The following TNS4 variants were observed in gnomAD, a reference collection of about 807,000 sequenced individuals.
TNS4 encodes tensin-4.
Under a neutral mutation model 70.4 loss-of-function variants are expected in TNS4, and 46 were observed. The observed-to-expected ratio is 0.65, with a 90% CI of 0.52 to 0.84. TNS4 has a LOEUF of 0.84. TNS4 is among the 40% of genes least tolerant of loss of function. The pLI, the probability that TNS4 is intolerant of heterozygous loss-of-function variation, is 0.00. For synonymous variants in TNS4, 390 were observed against 366.6 expected, an observed-to-expected ratio of 1.06 and a Z score of -0.73; for missense variants, 863 against 907.0, an observed-to-expected ratio of 0.95 and a Z score of 0.62.
intron 1 of TNS4, among the ~76,000 whole-genome samples, chr17:40,498,133 C>A (rs548978050): frequency 6.6e-6 from 1 of 152,292 alleles, no homozygotes; most frequent in East Asian, 1.9e-4. Context: ...TCTTTCTTCT[C>A]GTTGCCAAAA....
At position 40,477,639 on chromosome 17, in the gene TNS4, C is replaced by A; in HGVS notation, c.2097G>T (p.Ser699=). The A allele has an allele frequency of 5.6e-6, 9 of 1,614,138 alleles. No homozygotes were observed. The highest frequency in any genetic ancestry group is 1.3e-5 in the African/African-American group (1 of 75,050). Residue 699 remains serine, a synonymous_variant, in exon 13 of 13, where the codon TCG becomes TCT. Transcript: ENST00000254051. ...GAGCAGTCACCAGGCCGATGACCTG[C>A]GAGGCTGGCTGGACCATGTCATACT... ...FAEYDMVQPA[S]QVIGLVTALL...
intron 9 of TNS4, among the ~76,000 whole-genome samples, chr17:40,480,223 A>T (rs1266787255): frequency 6.6e-6 from 1 of 152,184 alleles, no homozygotes; most frequent in East Asian, 1.9e-4. Context: ...AGAATGGGGA[A>T]GGAAATTGTT....
At chr17:40,486,819 A>G (rs891318630) in intron 4 of TNS4, among the ~76,000 whole-genome samples, 2 of 152,128 alleles carry the variant, frequency 1.3e-5, no homozygotes, top group African/African-American at 2.4e-5. Flanking sequence ...TATGATTGAG[A>G]ATATCTCTTT....
intron 4 of TNS4, 29 bp from the exon 5 acceptor site, chr17:40,485,036 G>T (rs1168907729): frequency 6.2e-7 from 1 of 1,602,008 alleles, no homozygotes; most frequent in Non-Finnish European, 8.6e-7. Context: ...GGGGGACCCT[G>T]TAGGCTGGAC....
At position 40,476,397 on chromosome 17, in the gene TNS4, TGTGTG is replaced by T; in HGVS notation, c.*1186_*1190del. On this transcript the variant is annotated 3_prime_UTR_variant, in exon 13 of 13. Transcript: ENST00000254051. ...GTGTGTGTGTGTGTGTGTGTGTGTGTGTGTGTGTGTGTGTGTGTGTGTGTGTGTGT... is the reference window on the plus strand; with the variant it reads ...GTGTGTGTGTGTGTGTGTGTGTGTGTTGTGTGTGTGTGTGTGTGTGTGTGT... The T allele has an allele frequency of 6.7e-6, 1 of 150,100 alleles. No homozygotes were observed. Among genetic ancestry groups the T allele is most frequent in the South Asian group, 2.1e-4 (1 of 4,656 alleles). 9.3% of individuals were successfully genotyped at this position (150,100 alleles called of 1,614,324 possible). A position where few individuals can be genotyped will look rare whatever the true frequency, so the allele number is the denominator to read the frequency against.
Position 40,496,064 on chromosome 17 carries a change from G to T in TNS4, c.362C>A (p.Pro121Gln). The T allele has an allele frequency of 1.2e-6, 2 of 1,613,248 alleles. No individual in the cohort carries two copies. The highest frequency in any genetic ancestry group is 1.1e-5 in the South Asian group (1 of 90,948). ...CTCAGCCTGGGAGCCCCCAGTCCCT[G>T]GGGGAAGCAGCTGGAAGGTGGGGTC... ...ELDPTFQLLP[P>Q]GTGGSQAELA... The change falls in exon 2 of 13, where the codon CCA (proline) becomes CAA (glutamine). Residue 121 changes from proline (P) to glutamine (Q), a missense_variant. Physicochemically the swap from Pro to Gln is moderately conservative, Grantham distance 76. Coordinates refer to ENST00000254051, the MANE Select transcript of TNS4 (RefSeq NM_032865.6).
At chr17:40,481,995 T>C in intron 8 of TNS4, 134 bp downstream of exon 8, 1 of 984,048 alleles carries the variant, frequency 1.0e-6, no homozygotes, top group Non-Finnish European at 1.5e-6. Context: ...GTGGAGATGT[T>C]GAGCGACTCC....
At chr17:40,500,811 C>G (rs1454458446) in intron 1 of TNS4, among the ~76,000 whole-genome samples, 1 of 145,852 alleles carries the variant, frequency 6.9e-6, no homozygotes, top group Non-Finnish European at 1.5e-5. Context: ...CCCACCCAGA[C>G]CCGGTGACGC....
chr17:40,478,490 C>T, intron 11 of TNS4, 90 bp downstream of exon 11: 1 of 1,575,846 alleles, frequency 6.3e-7, no homozygotes, highest in Non-Finnish European at 8.7e-7. Context: ...CAGGCTCCCT[C>T]TGGGATCCCA....
At chr17:40,491,751 G>T (rs561225175) in intron 2 of TNS4, among the ~76,000 whole-genome samples, 68 of 152,326 alleles carry the variant, frequency 4.5e-4, no homozygotes, top group Middle Eastern at 3.4e-3. Context: ...CAGGGGTGCA[G>T]TCGCTGTTTA....
rs776227363 is a variant in TNS4 at position 40,484,486 on chromosome 17, G to C, written c.1499C>G (p.Pro500Arg). 1.7e-5 allele frequency: 28 copies of C among 1,610,044 alleles called. No homozygotes were observed. The Admixed American group carries it at 2.7e-4, about 15-fold the overall frequency. The change falls in exon 6 of 13, where the codon CCA becomes CGA. Residue 500 changes from proline (P) to arginine (R), a missense_variant and splice_region_variant. Pro to Arg is a moderately radical substitution (Grantham distance 103). Coordinates refer to ENST00000254051, the MANE Select transcript of TNS4 (RefSeq NM_032865.6). ...QEVPASAQSR[P>R]GEDSNDLIRH... ...TGAGCACAGAGACAGACGCATACCT[G>C]GTCGACTCTGAGCAGACGCGGGAAC... is the stretch of plus-strand genomic sequence containing the variant.
chr17:40,486,850 C>T (rs1053566540), intron 4 of TNS4, among the ~76,000 whole-genome samples, 186 bp downstream of exon 4: 2 of 152,210 alleles, frequency 1.3e-5, no homozygotes, highest in Non-Finnish European at 2.9e-5. Flanking sequence ...TTATCCTACC[C>T]TACCGTGATG....
chr17:40,479,655 G>A lies in TNS4; in HGVS notation c.1910+19C>T, dbSNP rs760286782. 3 of 1,608,226 alleles carry A rather than the reference G, an allele frequency of 1.9e-6. 1 individual carries two copies. The highest frequency in any genetic ancestry group is 2.6e-6 in the Non-Finnish European group (3 of 1,176,350). On this transcript the variant is annotated intron_variant, in intron 10 of 12. Coordinates refer to ENST00000254051, the MANE Select transcript of TNS4 (RefSeq NM_032865.6). The stretch of plus-strand genomic sequence containing the variant: ...TACTCCGCCAGCCCCGGAGCCCCAG[G>A]GCAAGGGAAGGCCCTTACTTCCTCT...
intron 6 of TNS4, among the ~76,000 whole-genome samples, chr17:40,482,646 C>T (rs2035941321): frequency 6.6e-6 from 1 of 151,806 alleles, no homozygotes; most frequent in Non-Finnish European, 1.5e-5. Flanking sequence ...GGGCGTGGTT[C>T]ACATGCCTGT....
chr17:40,497,474 G>A (rs1405407596), intron 1 of TNS4, among the ~76,000 whole-genome samples: 6 of 152,128 alleles, frequency 3.9e-5, no homozygotes, highest in African/African-American at 1.2e-4. Flanking sequence ...ATGATGGCAC[G>A]TGCCTGTAAT....
chr17:40,489,059 T>C (rs1406801329), intron 2 of TNS4, 90 bp from the exon 3 acceptor site: 4 of 1,243,720 alleles, frequency 3.2e-6, no homozygotes, highest in Non-Finnish European at 4.3e-6. Context: ...GGTCATTCTG[T>C]CCCCCCTCTT....
intron 3 of TNS4, among the ~76,000 whole-genome samples, chr17:40,488,327 AG>A (rs141590279): frequency 1.2e-3 from 186 of 152,346 alleles, no homozygotes; most frequent in African/African-American, 4.4e-3. Flanking sequence ...TTTTACCAAA[AG>A]GTAGCTATAA....
At chr17:40,495,887 C>A in intron 2 of TNS4, 100 bp downstream of exon 2, 2 of 1,357,214 alleles carry the variant, frequency 1.5e-6, no homozygotes, top group Non-Finnish European at 2.0e-6. Context: ...CAGCACCTCC[C>A]AACAGGACAG....
At chr17:40,491,754 G>A (rs917258029) in intron 2 of TNS4, among the ~76,000 whole-genome samples, 6 of 152,164 alleles carry the variant, frequency 3.9e-5, no homozygotes, top group African/African-American at 4.8e-5. Context: ...GGGTGCAGTC[G>A]CTGTTTACTG....
Sources: gnomAD v4.1 joint callset for allele counts (sites outside exome capture counted in the v4.1 genomes callset) on GRCh38, gnomAD v4.1.1 for gene constraint, MANE v1.5 for transcripts, NCBI Gene and HGNC (gene_info 2026-07-23, HGNC 2026-07-21) for gene names.